SPEF2: variants seen among roughly 807,000 people sequenced by gnomAD.
The protein encoded by SPEF2 is sperm flagellar and cilia associated 2.
In SPEF2, 187 loss-of-function variants were observed where a neutral mutation model predicts 224.6. That is an observed-to-expected ratio of 0.83 (90% CI 0.74 to 0.94). The LOEUF (loss-of-function observed/expected upper bound fraction) is 0.94. Ranked by LOEUF, SPEF2 falls within the 40% of genes least tolerant of loss-of-function variation. SPEF2 has a pLI of 0.00. For missense variants in SPEF2, 2,170 were observed against 2,135.6 expected, an observed-to-expected ratio of 1.02 and a Z score of -0.32; for synonymous variants, 715 against 707.3, an observed-to-expected ratio of 1.01 and a Z score of -0.17.
At chr5:35,620,314 A>G (rs1743331284) in intron 1 of SPEF2, among the ~76,000 whole-genome samples, 1 of 152,156 alleles carries the variant, frequency 6.6e-6, no homozygotes, top group African/African-American at 2.4e-5. Context: ...TAATCAGGCA[A>G]TTTCTGGGTA....
intron 32 of SPEF2, among the ~76,000 whole-genome samples, chr5:35,795,263 AG>A (rs1162701817): frequency 1.3e-5 from 2 of 152,122 alleles, no homozygotes; most frequent in South Asian, 2.1e-4. Flanking sequence ...GCACCATGCA[AG>A]TCTCCACAAA....
At chr5:35,733,689 G>T (rs945564973) in intron 21 of SPEF2, among the ~76,000 whole-genome samples, 10 of 152,074 alleles carry the variant, frequency 6.6e-5, no homozygotes, top group African/African-American at 1.9e-4. Context: ...GACTTCATCT[G>T]CATGGTAGTG....
intron 5 of SPEF2, 129 bp from the exon 6 acceptor site, chr5:35,649,232 G>A (rs1012212896): frequency 4.2e-6 from 3 of 715,236 alleles, no homozygotes; most frequent in Middle Eastern, 3.9e-4. Context: ...TTTTTAGAAT[G>A]CAGCTTTTCA....
intron 34 of SPEF2, among the ~76,000 whole-genome samples, chr5:35,802,363 T>C (rs1757536137): frequency 6.6e-6 from 1 of 152,112 alleles, no homozygotes; most frequent in Non-Finnish European, 1.5e-5. Context: ...CACACACACA[T>C]TCACTGCTTC....
At chr5:35,772,701 T>G (rs1753033694) in intron 27 of SPEF2, among the ~76,000 whole-genome samples, 2 of 152,116 alleles carry the variant, frequency 1.3e-5, no homozygotes. Flanking sequence ...TTAGTCCATC[T>G]CAAGTGGCAG....
chr5:35,645,758 C>A (rs921531513), intron 4 of SPEF2, among the ~76,000 whole-genome samples: 1 of 151,940 alleles, frequency 6.6e-6, no homozygotes, highest in Non-Finnish European at 1.5e-5. Context: ...AAATTATGTT[C>A]AAAATGATCA....
At chr5:35,749,653 A>G (rs370865938) in intron 23 of SPEF2, among the ~76,000 whole-genome samples, 2 of 152,044 alleles carry the variant, frequency 1.3e-5, no homozygotes, top group African/African-American at 4.8e-5. Flanking sequence ...CCAAGGAGTC[A>G]AAAGACCTCT....
intron 30 of SPEF2, among the ~76,000 whole-genome samples, chr5:35,783,562 A>G (rs868392035): frequency 6.6e-6 from 1 of 152,246 alleles, no homozygotes; most frequent in African/African-American, 2.4e-5. Context: ...CAATATTGAT[A>G]CAAAGTATTC....
intron 10 of SPEF2, among the ~76,000 whole-genome samples, chr5:35,683,689 G>C (rs1171417627): frequency 6.6e-6 from 1 of 152,200 alleles, no homozygotes; most frequent in African/African-American, 2.4e-5. Context: ...CACGGGCAGA[G>C]TCTATTTCCT....
At chr5:35,703,869 C>T (rs570053015) in intron 16 of SPEF2, among the ~76,000 whole-genome samples, 2 of 152,076 alleles carry the variant, frequency 1.3e-5, no homozygotes, top group African/African-American at 4.8e-5. Context: ...TTCATTTGCT[C>T]GAACTCTATT....
intron 36 of SPEF2, chr5:35,807,772 A>G (rs1448673626): frequency 1.3e-6 from 2 of 1,535,796 alleles, no homozygotes; most frequent in South Asian, 1.2e-5. Context: ...AGCAGAAGAA[A>G]GGAAGAACTG....
At chr5:35,759,773 AT>A in intron 25 of SPEF2, 54 bp downstream of exon 25, 9 of 1,412,644 alleles carry the variant, frequency 6.4e-6, no homozygotes, top group Non-Finnish European at 8.5e-6. Context: ...AAGCTTTGTG[AT>A]TTAAAATTAA....
At position 35,751,042 on chromosome 5, in the gene SPEF2, T is replaced by TATAC. The variant is rs758436058; in HGVS notation, c.3331-2582_3331-2581insATAC. Among the ~76,000 whole-genome samples the TATAC allele has an allele frequency of 4.1e-4, 13 of 31,374 alleles. 1 individual carries two copies. The highest frequency in any genetic ancestry group is 1.4e-3 in the South Asian group (1 of 710). The allele number at this position is 31,374 out of a possible 152,430, so 20.6% of individuals were successfully genotyped here. A position where few individuals can be genotyped will look rare whatever the true frequency, so the allele number is the denominator to read the frequency against. On this transcript the variant is annotated intron_variant, in intron 23 of 36. Coordinates refer to ENST00000356031, the MANE Select transcript of SPEF2 (RefSeq NM_024867.4). Reference sequence around the variant, plus strand: ...ATATATACGTATATATATACACATATGTATATATATATACGTATATATATG... The same window carrying TATAC: ...ATATATACGTATATATATACACATATATACGTATATATATATACGTATATATATG...
In SPEF2 at chr5:35,763,511, G is replaced by T. The variant is rs1235233141; in HGVS notation, c.3621-11G>T. The stretch of plus-strand genomic sequence containing the variant: ...AATTTTTTATCCTTTTTGCTTGTTT[G>T]TTTCTCAAAGAATTCCTCTAGTTCC... On this transcript the variant is annotated splice_polypyrimidine_tract_variant and intron_variant, in intron 25 of 36. Transcript: ENST00000356031. 6.5e-7 allele frequency: 1 copy of T among 1,533,984 alleles called. No individual in the cohort carries two copies. The highest frequency in any genetic ancestry group is 2.3e-5 in the Admixed American group (1 of 43,914).
intron 26 of SPEF2, among the ~76,000 whole-genome samples, chr5:35,771,318 T>C (rs955694047): frequency 1.3e-5 from 2 of 151,780 alleles, no homozygotes; most frequent in African/African-American, 4.8e-5. Context: ...AACCATGGAG[T>C]TGTGACACTC....
intron 20 of SPEF2, among the ~76,000 whole-genome samples, chr5:35,723,407 G>C (rs1299142728): frequency 1.3e-5 from 2 of 151,920 alleles, no homozygotes; most frequent in Admixed American, 6.6e-5. Flanking sequence ...TCCAGGAGTG[G>C]GGACCAGCAG....
chr5:35,739,751 C>T (rs926845791), intron 21 of SPEF2, among the ~76,000 whole-genome samples, 168 bp from the exon 22 acceptor site: 1 of 152,072 alleles, frequency 6.6e-6, no homozygotes, highest in African/African-American at 2.4e-5. Context: ...TATGAATTTG[C>T]TGGAGTGGGA....
chr5:35,744,777 A>T (rs1016091850), intron 23 of SPEF2, among the ~76,000 whole-genome samples: 1 of 152,134 alleles, frequency 6.6e-6, no homozygotes, highest in Non-Finnish European at 1.5e-5. Context: ...CAAACAAAAA[A>T]ACTGGATCAT....
intron 2 of SPEF2, among the ~76,000 whole-genome samples, chr5:35,635,093 G>A (rs1393373892): frequency 6.6e-6 from 1 of 151,912 alleles, no homozygotes; most frequent in Non-Finnish European, 1.5e-5. Context: ...GGATGTATGT[G>A]TTTTGAGGTT....
Sources: allele counts gnomAD v4.1 joint callset (sites outside exome capture counted in the v4.1 genomes callset), GRCh38; gene constraint gnomAD v4.1.1; transcripts MANE v1.5; gene names NCBI Gene and HGNC (gene_info 2026-07-23, HGNC 2026-07-21).